Variants in CACNA1E observed in about 807,000 individuals in gnomAD.
CACNA1E encodes the protein voltage-dependent R-type calcium channel subunit alpha-1E.
In CACNA1E, 40 loss-of-function variants were observed where a neutral mutation model predicts 259.2. The observed-to-expected ratio is 0.15, with a 90% CI of 0.12 to 0.20. CACNA1E has a LOEUF of 0.20. CACNA1E is among the 10% of genes least tolerant of loss of function. The pLI, the probability that CACNA1E is intolerant of heterozygous loss-of-function variation, is 1.00. For missense variants in CACNA1E, 1,874 were observed against 3,040.1 expected (o/e 0.62, Z 9.02); for synonymous variants, 1,104 against 1,138.5 (o/e 0.97, Z 0.61).
At chr1:181,399,064 A>G (rs924139446) in intron 1 of CACNA1E, among the ~76,000 whole-genome samples, 1 of 152,062 alleles carries the variant, frequency 6.6e-6, no homozygotes, top group Non-Finnish European at 1.5e-5. Context: ...GAGTCCCCCC[A>G]CCACATCCCC....
chr1:181,784,799 C>T (rs1558388781), intron 41 of CACNA1E, 31 bp downstream of exon 41: 1 of 1,309,832 alleles, frequency 7.6e-7, no homozygotes, highest in Non-Finnish European at 1.1e-6. Flanking sequence ...ATCCTTGTCA[C>T]TGTGGGCCCA....
At chr1:181,520,381 A>G (rs12044829) in intron 3 of CACNA1E, among the ~76,000 whole-genome samples, 2,173 of 152,264 alleles carry the variant, frequency 0.014, 70 homozygotes, top group East Asian at 0.14. Context: ...GAACAATAAT[A>G]CCTTCCCTCC....
intron 6 of CACNA1E, among the ~76,000 whole-genome samples, chr1:181,603,836 C>G (rs1419025411): frequency 1.3e-5 from 2 of 152,222 alleles, no homozygotes; most frequent in African/African-American, 4.8e-5. Context: ...GCCTGTCTCC[C>G]TGGCTCTGAG....
intron 7 of CACNA1E, among the ~76,000 whole-genome samples, chr1:181,699,251 G>A (rs1651997494): frequency 6.6e-6 from 1 of 152,168 alleles, no homozygotes; most frequent in African/African-American, 2.4e-5. Context: ...AGGATATGAT[G>A]GTGAACATGG....
Position 181,374,387 on chromosome 1 carries a change from T to G in CACNA1E, c.-14-38746T>G, listed in dbSNP as rs1002834966. Among the ~76,000 whole-genome samples the G allele has an allele frequency of 8.2e-5, 10 of 121,930 alleles. No individual in the cohort carries two copies. In the East Asian group the frequency reaches 1.2e-3, roughly 15 times the overall value. 80.0% of individuals were successfully genotyped at this position (121,930 alleles called of 152,430 possible). On this transcript the variant is annotated intron_variant, in intron 1 of 11. Transcript: ENST00000524607. ...AGACAGTACTTGGCATTATTTTATGTTTTTTTTTTTGGAGGAAATTCAACT... is the reference window on the plus strand; with the variant it reads ...AGACAGTACTTGGCATTATTTTATGGTTTTTTTTTTGGAGGAAATTCAACT...
intron 2 of CACNA1E, among the ~76,000 whole-genome samples, chr1:181,418,301 C>T (rs920612813): frequency 2.0e-5 from 3 of 152,168 alleles, no homozygotes; most frequent in Admixed American, 6.5e-5. Context: ...ATGGCTTTTA[C>T]GATACCCACT....
At chr1:181,658,263 C>T (rs1282303713) in intron 7 of CACNA1E, among the ~76,000 whole-genome samples, 1 of 152,066 alleles carries the variant, frequency 6.6e-6, no homozygotes, top group Non-Finnish European at 1.5e-5. Flanking sequence ...ACCACATGGA[C>T]TCTCTCTGGT....
intron 6 of CACNA1E, among the ~76,000 whole-genome samples, chr1:181,631,807 C>T (rs559082727): frequency 9.2e-5 from 14 of 152,298 alleles, no homozygotes; most frequent in African/African-American, 2.6e-4. Context: ...TGAGGAACCC[C>T]GGGCTTGACC....
intron 1 of CACNA1E, among the ~76,000 whole-genome samples, chr1:181,399,882 T>A (rs898481987): frequency 3.9e-5 from 6 of 152,228 alleles, no homozygotes; most frequent in Admixed American, 2.6e-4. Context: ...TTCATGGATA[T>A]CATTGCCTGG....
chr1:181,343,017 G>A (rs143759557), intron 1 of CACNA1E, among the ~76,000 whole-genome samples: 25 of 152,152 alleles, frequency 1.6e-4, no homozygotes, highest in African/African-American at 6.0e-4. Context: ...GACAGGGGGT[G>A]GTATATTGGG....
intron 44 of CACNA1E, among the ~76,000 whole-genome samples, chr1:181,790,891 A>G (rs1215991008): frequency 6.6e-6 from 1 of 152,230 alleles, no homozygotes; most frequent in African/African-American, 2.4e-5. Context: ...TTGAAGATGC[A>G]TCACCAGAGA....
At chr1:181,544,948 A>G (rs1228576043) in intron 3 of CACNA1E, among the ~76,000 whole-genome samples, 2 of 152,166 alleles carry the variant, frequency 1.3e-5, no homozygotes, top group East Asian at 1.9e-4. Context: ...TGGCTCTCCA[A>G]ACTTCAGCGT....
chr1:181,574,184 G>T (rs543919216), intron 3 of CACNA1E, among the ~76,000 whole-genome samples: 2 of 152,118 alleles, frequency 1.3e-5, no homozygotes, highest in African/African-American at 2.4e-5. Flanking sequence ...AATACGTGCC[G>T]GGCTTAATAC....
chr1:181,631,101 C>T (rs947689683), intron 6 of CACNA1E, among the ~76,000 whole-genome samples: 3 of 152,200 alleles, frequency 2.0e-5, no homozygotes, highest in Non-Finnish European at 4.4e-5. Context: ...CCTGGCCTGA[C>T]GCTGCATAGC....
At chr1:181,739,404 C>G (rs920424606) in intron 25 of CACNA1E, 151 bp downstream of exon 25, 7 of 636,910 alleles carry the variant, frequency 1.1e-5, no homozygotes, top group Non-Finnish European at 2.0e-5. Flanking sequence ...CCCAGCAGAG[C>G]TCCTGAGCGC....
intron 1 of CACNA1E, among the ~76,000 whole-genome samples, chr1:181,344,632 C>T (rs1424019284): frequency 6.6e-6 from 1 of 152,168 alleles, no homozygotes; most frequent in Non-Finnish European, 1.5e-5. Context: ...TAGGGACACA[C>T]TTGGCAAGGA....
At chr1:181,446,032 G>T (rs1292227639) in intron 2 of CACNA1E, among the ~76,000 whole-genome samples, 1 of 152,126 alleles carries the variant, frequency 6.6e-6, no homozygotes, top group African/African-American at 2.4e-5. Flanking sequence ...TCATCTTGGA[G>T]CCCACCTGAC....
chr1:181,410,263 A>C (rs951924311), intron 1 of CACNA1E, among the ~76,000 whole-genome samples: 1 of 152,212 alleles, frequency 6.6e-6, no homozygotes, highest in African/African-American at 2.4e-5. Flanking sequence ...CTAGGGACCC[A>C]CCCAGCTGTT....
intron 3 of CACNA1E, among the ~76,000 whole-genome samples, chr1:181,551,638 G>C (rs114506331): frequency 0.011 from 1,624 of 152,258 alleles, 24 homozygotes; most frequent in Non-Finnish European, 0.019. Context: ...AAAGCTCTGT[G>C]CAGGGGAGAG....
Sources: gnomAD v4.1 joint callset for allele counts (sites outside exome capture counted in the v4.1 genomes callset) on GRCh38, gnomAD v4.1.1 for gene constraint, MANE v1.5 for transcripts, NCBI Gene and HGNC (gene_info 2026-07-23, HGNC 2026-07-21) for gene names.